SERPINB5: variants seen among roughly 807,000 people sequenced by gnomAD.
SERPINB5 encodes serpin family B member 5, also known as serpin B5.
In SERPINB5, 27 loss-of-function variants were observed where a neutral mutation model predicts 32.2. That is an observed-to-expected ratio of 0.84 (90% CI 0.62 to 1.16). SERPINB5 has a LOEUF of 1.16. Ranked by LOEUF, SERPINB5 falls within the 50% of genes most tolerant of loss-of-function variation. The pLI is 0.00. For synonymous variants in SERPINB5, 154 were observed against 157.4 expected (o/e 0.98, Z 0.16); for missense variants, 388 against 436.3 (o/e 0.89, Z 0.99).
intron 6 of SERPINB5, among the ~76,000 whole-genome samples, chr18:63,502,057 C>CAAA (rs1253427179): frequency 6.6e-6 from 1 of 152,018 alleles, no homozygotes; most frequent in Non-Finnish European, 1.5e-5. Context: ...AATTAGATCC[C>CAAA]ATTTGTCAAT....
At chr18:63,493,346 C>G in intron 5 of SERPINB5, 1 of 568,362 alleles carries the variant, frequency 1.8e-6, no homozygotes, top group South Asian at 2.6e-5. Flanking sequence ...TGTAACCCAG[C>G]GAGGAAAGCT....
chr18:63,487,044 C>T lies in SERPINB5; in HGVS notation c.267C>T (p.Ile89=). 1 of 1,614,110 alleles carries T rather than the reference C, an allele frequency of 6.2e-7. No homozygotes were observed. The change falls in exon 3 of 7, where the codon ATC becomes ATT. Residue 89 remains isoleucine, a synonymous_variant. Coordinates refer to ENST00000382771, the MANE Select transcript of SERPINB5 (RefSeq NM_002639.5). ...KLSSFYSLKL[I]KRLYVDKSLN... ...GTTCCTTTTACTCACTGAAACTAATCAAGCGGCTCTACGTAGACAAATCTC... is the reference window on the plus strand; with the variant it reads ...GTTCCTTTTACTCACTGAAACTAATTAAGCGGCTCTACGTAGACAAATCTC...
rs1016448297 is a variant in SERPINB5, at chr18:63,504,800, G to T, written c.*1078G>T. The T allele has an allele frequency of 2.0e-5, 3 of 152,176 alleles. No individual in the cohort carries two copies. Among genetic ancestry groups the T allele is most frequent in the Non-Finnish European group, 4.4e-5 (3 of 68,028 alleles). 9.4% of individuals were successfully genotyped at this position (152,176 alleles called of 1,614,324 possible). On this transcript the variant is annotated 3_prime_UTR_variant, in exon 7 of 7. Coordinates refer to ENST00000382771, the MANE Select transcript of SERPINB5 (RefSeq NM_002639.5). Reference sequence around the variant, plus strand: ...AAAATATAAGTAAAGTGATTAAAGTGCTCACGTTACCTTGACACATAGTTT... The same window carrying T: ...AAAATATAAGTAAAGTGATTAAAGTTCTCACGTTACCTTGACACATAGTTT...
At position 63,503,450 on chromosome 18, in the gene SERPINB5, G is replaced by A. The variant is rs144771613; in HGVS notation, c.856G>A (p.Ala286Thr). 1.9e-6 allele frequency: 3 copies of A among 1,614,214 alleles called. No individual in the cohort carries two copies. The highest frequency in any genetic ancestry group is 1.7e-5 in the Admixed American group (1 of 60,022). Reference sequence around the variant, plus strand: ...GGTGGAAAAGATGATTGATCCCAAGGCTTGTCTGGAAAATCTAGGGCTGAA... The same window carrying A: ...GGTGGAAAAGATGATTGATCCCAAGACTTGTCTGGAAAATCTAGGGCTGAA... Reference protein sequence around the residue: ...FKVEKMIDPKACLENLGLKHI... With the variant: ...FKVEKMIDPKTCLENLGLKHI... Residue 286 changes from alanine (A) to threonine (T), a missense_variant, in exon 7 of 7, where the codon GCT becomes ACT. Coordinates refer to ENST00000382771, the MANE Select transcript of SERPINB5 (RefSeq NM_002639.5).
intron 1 of SERPINB5, among the ~76,000 whole-genome samples, chr18:63,478,332 T>C (rs978506998): frequency 1.3e-5 from 2 of 152,132 alleles, no homozygotes; most frequent in Non-Finnish European, 2.9e-5. Context: ...ATCAGGCTTC[T>C]AAAGAGACAG....
At position 63,504,009 on chromosome 18, in the gene SERPINB5, G is replaced by T. The variant is rs186059840; in HGVS notation, c.*287G>T. On this transcript the variant is annotated 3_prime_UTR_variant, in exon 7 of 7. Coordinates refer to ENST00000382771, the MANE Select transcript of SERPINB5 (RefSeq NM_002639.5). Reference sequence around the variant, plus strand: ...TTCATTATTTGTCAAATTGTCCGGGGTAGTTGGCAGAAATACAGTCTTCCA... The same window carrying T: ...TTCATTATTTGTCAAATTGTCCGGGTTAGTTGGCAGAAATACAGTCTTCCA... 1,170 of 352,524 alleles carry T rather than the reference G, an allele frequency of 3.3e-3. 2 individuals are homozygous for T. The highest frequency in any genetic ancestry group is 4.7e-3 in the Non-Finnish European group (913 of 195,882). The allele number at this position is 352,524 out of a possible 1,614,324, so 21.8% of individuals were successfully genotyped here.
Position 63,503,728 on chromosome 18 carries a change from A to G in SERPINB5, c.*6A>G. The stretch of plus-strand genomic sequence containing the variant: ...GCAAATTCTGTTCTCCTTAAGTGGC[A>G]TAGCCCATGTTAAGTCCTCCCTGAC... On this transcript the variant is annotated 3_prime_UTR_variant, in exon 7 of 7. Coordinates refer to ENST00000382771, the MANE Select transcript of SERPINB5 (RefSeq NM_002639.5). The G allele has an allele frequency of 6.2e-7, 1 of 1,613,760 alleles. No homozygotes were observed. Among genetic ancestry groups the G allele is most frequent in the Non-Finnish European group, 8.5e-7 (1 of 1,179,886 alleles).
chr18:63,486,304 G>A (rs1017187722), intron 2 of SERPINB5, among the ~76,000 whole-genome samples: 6 of 152,238 alleles, frequency 3.9e-5, no homozygotes, highest in South Asian at 2.1e-4. Context: ...GCCAGCCCAG[G>A]GCAGCCCACC....
rs746553330 is a variant in SERPINB5, at chr18:63,492,964, A to G, written c.436A>G (p.Asn146Asp). 18 of 1,609,166 alleles carry G rather than the reference A, an allele frequency of 1.1e-5. No individual in the cohort carries two copies. ...TAAAATTGTTGCAGGCCACTTTGAG[A>G]ACATTTTAGCTGACAACAGTGTGAA... is the stretch of plus-strand genomic sequence containing the variant. ...IKDLTDGHFENILADNSVNDQ... is the reference protein window; with the variant it reads ...IKDLTDGHFEDILADNSVNDQ... The change falls in exon 5 of 7, where the codon AAC becomes GAC. Residue 146 changes from asparagine to aspartate, a missense_variant. Asn to Asp is a conservative substitution (Grantham distance 23, BLOSUM62 1). Transcript: ENST00000382771.
At chr18:63,497,045 G>T in intron 5 of SERPINB5, 2 of 564,116 alleles carry the variant, frequency 3.5e-6, no homozygotes, top group Admixed American at 3.8e-5. Flanking sequence ...GTTGTACTAG[G>T]GGTCTAATCC....
chr18:63,494,564 T>C (rs1243908818), intron 5 of SERPINB5, among the ~76,000 whole-genome samples: 1 of 152,200 alleles, frequency 6.6e-6, no homozygotes, highest in Non-Finnish European at 1.5e-5. Context: ...CTAGTTTTCA[T>C]GCTTCTCCCA....
At chr18:63,488,556 T>A (rs995671696) in intron 3 of SERPINB5, among the ~76,000 whole-genome samples, 2 of 152,142 alleles carry the variant, frequency 1.3e-5, no homozygotes, top group African/African-American at 4.8e-5. Context: ...TAGTTAAAGG[T>A]CCAAACAAGT....
At chr18:63,490,553 G>A (rs1909311807) in intron 4 of SERPINB5, 2 of 152,268 alleles carry the variant, frequency 1.3e-5, no homozygotes, top group African/African-American at 2.4e-5. Context: ...TGCTGTCTAG[G>A]GAGGGATACA....
At chr18:63,482,289 T>G (rs115319212) in intron 1 of SERPINB5, among the ~76,000 whole-genome samples, 1,542 of 152,310 alleles carry the variant, frequency 0.01, 24 homozygotes, top group African/African-American at 0.035. Context: ...TGCCTTTGAC[T>G]CTTGACACAC....
At chr18:63,500,839 C>G (rs929263482) in intron 6 of SERPINB5, among the ~76,000 whole-genome samples, 1 of 152,124 alleles carries the variant, frequency 6.6e-6, no homozygotes, top group Admixed American at 6.6e-5. Context: ...ATGTTTTAGC[C>G]ACCACTTTAT....
chr18:63,499,804 CTCTT>C (rs1341461135), intron 6 of SERPINB5, among the ~76,000 whole-genome samples: 1 of 152,064 alleles, frequency 6.6e-6, no homozygotes, highest in Non-Finnish European at 1.5e-5. Context: ...CTCTCTCTTG[CTCTT>C]TCTTTTTTTT....
At position 63,503,478 on chromosome 18, in the gene SERPINB5, A is replaced by C. The variant is rs1260535491; in HGVS notation, c.884A>C (p.His295Pro). The C allele has an allele frequency of 6.2e-7, 1 of 1,614,234 alleles. No homozygotes were observed. Residue 295 changes from histidine (H) to proline (P), a missense_variant, in exon 7 of 7, where the codon CAT (histidine) becomes CCT (proline). Coordinates refer to ENST00000382771, the MANE Select transcript of SERPINB5 (RefSeq NM_002639.5). Reference sequence around the variant, plus strand: ...TGTCTGGAAAATCTAGGGCTGAAACATATCTTCAGTGAAGACACATCTGAT... The same window carrying C: ...TGTCTGGAAAATCTAGGGCTGAAACCTATCTTCAGTGAAGACACATCTGAT... ...KACLENLGLK[H>P]IFSEDTSDFS...
intron 5 of SERPINB5, chr18:63,496,869 A>C: frequency 3.6e-6 from 1 of 280,008 alleles, no homozygotes; most frequent in African/African-American, 2.2e-5. Context: ...ATAGGAGCAA[A>C]GAGAAGAAAA....
At chr18:63,478,924 T>C (rs1195271313) in intron 1 of SERPINB5, among the ~76,000 whole-genome samples, 1 of 152,018 alleles carries the variant, frequency 6.6e-6, no homozygotes, top group African/African-American at 2.4e-5. Context: ...CACGCCCGGC[T>C]AATTTCTATA....
Sources: gnomAD v4.1 joint callset for allele counts (sites outside exome capture counted in the v4.1 genomes callset) on GRCh38, gnomAD v4.1.1 for gene constraint, MANE v1.5 for transcripts, NCBI Gene and HGNC (gene_info 2026-07-23, HGNC 2026-07-21) for gene names.